Variants in CA10 observed in about 807,000 individuals in gnomAD.
The protein encoded by CA10 is carbonic anhydrase 10 (inactive).
Under a neutral mutation model 44.2 loss-of-function variants are expected in CA10, and 14 were observed. The ratio of observed to expected loss-of-function variants is 0.32; its 90% CI spans 0.21 to 0.50. The LOEUF (loss-of-function observed/expected upper bound fraction) is 0.50. Among genes scored for constraint, CA10 ranks in the 20% least tolerant of loss-of-function variants. CA10 has a pLI of 0.99. For synonymous variants in CA10, 159 were observed against 141.6 expected (o/e 1.12, Z -0.87); for missense variants, 350 against 409.7 (o/e 0.85, Z 1.26).
At chr17:52,018,101 C>A (rs1380415167) in intron 2 of CA10, among the ~76,000 whole-genome samples, 2 of 152,124 alleles carry the variant, frequency 1.3e-5, no homozygotes, top group Admixed American at 1.3e-4. Flanking sequence ...TATGGGAAAG[C>A]CTGGGTACTC....
rs1341976815 is a variant in CA10 at position 52,106,061 on chromosome 17, C to T, written c.62-33668G>A. Among the ~76,000 whole-genome samples, 5 of 152,170 alleles carry T rather than the reference C, an allele frequency of 3.3e-5. No homozygotes were observed. In the East Asian group the frequency reaches 9.6e-4, roughly 29 times the overall value. ...TCCAAGAAAATACCCAGCTTGGCTC[C>T]TAAGTAAAGCCAAAGATCTTTCTTG... On this transcript the variant is annotated intron_variant, in intron 1 of 8. Transcript: ENST00000451037.
At chr17:51,878,895 T>TGG (rs1176851267) in intron 3 of CA10, among the ~76,000 whole-genome samples, 6 of 119,012 alleles carry the variant, frequency 5.0e-5, no homozygotes, top group African/African-American at 9.7e-5. Context: ...TATATATGGG[T>TGG]GTGTGTGTGT....
intron 3 of CA10, among the ~76,000 whole-genome samples, chr17:51,817,621 G>T (rs1434940035): frequency 1.3e-5 from 2 of 152,164 alleles, no homozygotes; most frequent in African/African-American, 4.8e-5. Context: ...TCACTTGCTT[G>T]AACTAGTTAA....
At chr17:51,849,545 G>A (rs1159412524) in intron 3 of CA10, among the ~76,000 whole-genome samples, 1 of 151,938 alleles carries the variant, frequency 6.6e-6, no homozygotes, top group East Asian at 1.9e-4. Flanking sequence ...TTCATTAGCT[G>A]TGACGACCTT....
intron 4 of CA10, among the ~76,000 whole-genome samples, chr17:51,655,207 AAACACCCAT>A (rs1376545214): frequency 6.6e-6 from 1 of 152,218 alleles, no homozygotes; most frequent in Non-Finnish European, 1.5e-5. Context: ...TCAGTTGCAC[AAACACCCAT>A]AACATATTTA....
intron 3 of CA10, among the ~76,000 whole-genome samples, chr17:51,886,229 G>A (rs1980593569): frequency 6.6e-6 from 1 of 152,194 alleles, no homozygotes; most frequent in African/African-American, 2.4e-5. Context: ...ATGTGGCAGT[G>A]TAGTCTTAGA....
At chr17:51,658,223 T>C (rs1913870958) in intron 4 of CA10, among the ~76,000 whole-genome samples, 1 of 152,158 alleles carries the variant, frequency 6.6e-6, no homozygotes, top group South Asian at 2.1e-4. Flanking sequence ...CTCACCTCAA[T>C]CCTTTACATG....
chr17:51,851,545 ATATTT>A (rs1380807882), intron 3 of CA10, among the ~76,000 whole-genome samples: 3 of 152,234 alleles, frequency 2.0e-5, no homozygotes, highest in African/African-American at 7.2e-5. Flanking sequence ...TGAATGAGAA[ATATTT>A]TATTGTTATT....
At chr17:51,888,688 G>A (rs181886738) in intron 3 of CA10, among the ~76,000 whole-genome samples, 19 of 146,234 alleles carry the variant, frequency 1.3e-4, no homozygotes, top group African/African-American at 4.2e-4. Context: ...CAATTTGACC[G>A]TCTTCTAGAT....
intron 2 of CA10, among the ~76,000 whole-genome samples, chr17:52,070,946 T>C (rs1987664164): frequency 6.6e-6 from 1 of 152,214 alleles, no homozygotes; most frequent in Non-Finnish European, 1.5e-5. Context: ...TTTATTTCTC[T>C]AATTCCATAC....
chr17:51,862,077 C>T (rs1979336414), intron 3 of CA10, among the ~76,000 whole-genome samples: 1 of 152,178 alleles, frequency 6.6e-6, no homozygotes, highest in Admixed American at 6.5e-5. Flanking sequence ...CACCCTCTTG[C>T]TAATGCCATT....
intron 1 of CA10, among the ~76,000 whole-genome samples, chr17:52,084,808 A>G (rs565731577): frequency 1.1e-5 from 1 of 93,528 alleles, no homozygotes; most frequent in East Asian, 2.2e-4. Context: ...CACAGAATAC[A>G]GACTATATTA....
chr17:51,839,162 G>C (rs559162024), intron 3 of CA10, among the ~76,000 whole-genome samples: 1 of 152,224 alleles, frequency 6.6e-6, no homozygotes, highest in East Asian at 1.9e-4. Flanking sequence ...AACATATCCA[G>C]TGCTTCCCTA....
At chr17:51,690,513 T>C (rs1472770234) in intron 4 of CA10, among the ~76,000 whole-genome samples, 2 of 152,150 alleles carry the variant, frequency 1.3e-5, no homozygotes, top group Non-Finnish European at 2.9e-5. Flanking sequence ...CTATTCCCCA[T>C]GTGTCATGGG....
chr17:52,117,130 A>G (rs1390456797), intron 1 of CA10, among the ~76,000 whole-genome samples: 1 of 152,108 alleles, frequency 6.6e-6, no homozygotes, highest in East Asian at 1.9e-4. Flanking sequence ...CTTGAATCTT[A>G]TTTTGCTGAA....
intron 2 of CA10, among the ~76,000 whole-genome samples, chr17:51,942,096 G>C (rs928291672): frequency 2.0e-5 from 3 of 152,070 alleles, no homozygotes; most frequent in African/African-American, 7.2e-5. Flanking sequence ...TGCAGCAGTG[G>C]ATACCTCAGT....
At chr17:51,855,887 C>T (rs1979017040) in intron 3 of CA10, among the ~76,000 whole-genome samples, 1 of 151,976 alleles carries the variant, frequency 6.6e-6, no homozygotes, top group South Asian at 2.1e-4. Context: ...GACTTGGAGC[C>T]TGAAGACTTT....
At chr17:52,083,740 A>C (rs1988043400) in intron 1 of CA10, among the ~76,000 whole-genome samples, 1 of 152,134 alleles carries the variant, frequency 6.6e-6, no homozygotes, top group Non-Finnish European at 1.5e-5. Context: ...AAAAGATGTG[A>C]TTTCATTCTT....
rs542017237 is a variant in CA10, at chr17:51,737,227, G to A, written c.465+10406C>T. On this transcript the variant is annotated intron_variant, in intron 4 of 8. Coordinates refer to ENST00000451037, the MANE Select transcript of CA10 (RefSeq NM_020178.5). The stretch of plus-strand genomic sequence containing the variant: ...TAACCTCTCGAGGTTTCTGTTCCTT[G>A]AATATAAAATGGTGCTAATAAGTGC... Among the ~76,000 whole-genome samples, 121 of 152,138 alleles carry A rather than the reference G, an allele frequency of 8.0e-4. 2 individuals carry two copies. The highest frequency in any genetic ancestry group is 1.6e-3 in the Non-Finnish European group (109 of 68,024).
Sources: gnomAD v4.1 joint callset for allele counts (sites outside exome capture counted in the v4.1 genomes callset) on GRCh38, gnomAD v4.1.1 for gene constraint, MANE v1.5 for transcripts, NCBI Gene and HGNC (gene_info 2026-07-23, HGNC 2026-07-21) for gene names.